Variants in PTGFRN observed in about 807,000 individuals in gnomAD.
The protein encoded by PTGFRN is prostaglandin F2 receptor negative regulator.
Under a neutral mutation model 83.2 loss-of-function variants are expected in PTGFRN, and 35 were observed. The observed-to-expected ratio is 0.42, with a 90% CI of 0.32 to 0.56. The LOEUF is 0.56. Ranked by LOEUF, PTGFRN falls within the 20% of genes least tolerant of loss-of-function variation. PTGFRN has a pLI of 0.11. For synonymous variants in PTGFRN, 519 were observed against 498.6 expected, an observed-to-expected ratio of 1.04 and a Z score of -0.55; for missense variants, 1,051 against 1,179.5, an observed-to-expected ratio of 0.89 and a Z score of 1.60.
chr1:116,910,047 C>A lies in PTGFRN; in HGVS notation c.-157C>A. 1.2e-6 allele frequency: 1 copy of A among 826,168 alleles called. No homozygotes were observed. The highest frequency in any genetic ancestry group is 2.0e-6 in the Non-Finnish European group (1 of 511,026). The allele number at this position is 826,168 out of a possible 1,614,324, so 51.2% of individuals were successfully genotyped here. On this transcript the variant is annotated 5_prime_UTR_variant, in exon 1 of 9. Coordinates refer to ENST00000393203, the MANE Select transcript of PTGFRN (RefSeq NM_020440.4). ...GCGGAGCCAGGGGCGCACGTACGCC[C>A]CAGCGCTGGGATTTATCGGCTCGCG...
At chr1:116,912,613 G>T (rs1327475742) in intron 1 of PTGFRN, among the ~76,000 whole-genome samples, 2 of 151,980 alleles carry the variant, frequency 1.3e-5, no homozygotes, top group African/African-American at 4.8e-5. Flanking sequence ...CACACAGTTG[G>T]TGTCTTCCTG....
Position 116,987,081 on chromosome 1 carries a change from T to G in PTGFRN, c.*114T>G. Reference sequence around the variant, plus strand: ...CACTAAAAACCAGTCCTCTCTAATCTCAGGTGGGACTTGGCGCTCTCTCTT... The same window carrying G: ...CACTAAAAACCAGTCCTCTCTAATCGCAGGTGGGACTTGGCGCTCTCTCTT... On this transcript the variant is annotated 3_prime_UTR_variant, in exon 9 of 9. Transcript: ENST00000393203. 1 of 1,286,362 alleles carries G rather than the reference T, an allele frequency of 7.8e-7. No homozygotes were observed. The highest frequency in any genetic ancestry group is 1.1e-6 in the Non-Finnish European group (1 of 927,640). 79.7% of individuals were successfully genotyped at this position (1,286,362 alleles called of 1,614,324 possible).
rs1230810516 is a variant in PTGFRN, at chr1:116,909,975, G to A, written c.-229G>A. Reference sequence around the variant, plus strand: ...ACTCGGATCGGCGGGGCCGGCTCCCGGGCCCGGCCGGCTGGAGGAGGGAGG... The same window carrying A: ...ACTCGGATCGGCGGGGCCGGCTCCCAGGCCCGGCCGGCTGGAGGAGGGAGG... On this transcript the variant is annotated 5_prime_UTR_variant, in exon 1 of 9. Transcript: ENST00000393203. 2 of 566,648 alleles carry A rather than the reference G, an allele frequency of 3.5e-6. No homozygotes were observed. Among genetic ancestry groups the A allele is most frequent in the South Asian group, 2.0e-5 (1 of 49,606 alleles). 35.1% of individuals were successfully genotyped at this position (566,648 alleles called of 1,614,324 possible). A position where few individuals can be genotyped will look rare whatever the true frequency, so the allele number is the denominator to read the frequency against.
At chr1:116,937,755 A>G (rs1346372010) in intron 1 of PTGFRN, among the ~76,000 whole-genome samples, 2 of 152,172 alleles carry the variant, frequency 1.3e-5, no homozygotes, top group East Asian at 3.9e-4. Flanking sequence ...ACACATTAGG[A>G]AATTCCTCTG....
chr1:116,989,601 T>A lies in PTGFRN; in HGVS notation c.*2634T>A, dbSNP rs1367559299. The A allele has an allele frequency of 6.6e-6, 1 of 152,604 alleles. No homozygotes were observed. Among genetic ancestry groups the A allele is most frequent in the Non-Finnish European group, 1.5e-5 (1 of 68,042 alleles). 9.5% of individuals were successfully genotyped at this position (152,604 alleles called of 1,614,324 possible). A position where few individuals can be genotyped will look rare whatever the true frequency, so the allele number is the denominator to read the frequency against. ...CTTTATAAAAGTTTGGGATTTTTTT[T>A]CCTAATCATAAAAATAGCCCCAGAA... On this transcript the variant is annotated 3_prime_UTR_variant, in exon 9 of 9. Transcript: ENST00000393203.
chr1:116,957,150 G>A (rs929339024), intron 4 of PTGFRN, among the ~76,000 whole-genome samples: 9 of 137,506 alleles, frequency 6.5e-5, no homozygotes, highest in African/African-American at 1.4e-4. Flanking sequence ...TCGCTGGCTC[G>A]CTGTGTGTGT....
rs1280690839 is a variant in PTGFRN at position 116,975,098 on chromosome 1, G to C, written c.2167+775G>C. ...TTATATCCTGCACCTGGCTCGGAGG[G>C]TCCCATGCCCACAGAGCCTCGCTCA... On this transcript the variant is annotated intron_variant, in intron 7 of 8. Coordinates refer to ENST00000393203, the MANE Select transcript of PTGFRN (RefSeq NM_020440.4). 2.0e-5 allele frequency among the ~76,000 whole-genome samples: 3 copies of C among 152,204 alleles called. No individual in the cohort carries two copies. In the South Asian group the frequency reaches 6.2e-4, roughly 31 times the overall value.
chr1:116,942,016 C>T lies in PTGFRN; in HGVS notation c.351C>T (p.Tyr117=). 6.2e-7 allele frequency: 1 copy of T among 1,614,194 alleles called. No homozygotes were observed. Residue 117 remains tyrosine, a synonymous_variant, in exon 2 of 9, where the codon TAC becomes TAT. Transcript: ENST00000393203. The stretch of plus-strand genomic sequence containing the variant: ...TCCAGCCTTCAGACCAAGGCCACTA[C>T]AAATGTTCAACCCCCAGCACAGATG... ...KNVQPSDQGH[Y]KCSTPSTDAT... is the part of the protein sequence containing the mutation.
At position 116,910,035 on chromosome 1, in the gene PTGFRN, C is replaced by A. The variant is rs369371046; in HGVS notation, c.-169C>A. On this transcript the variant is annotated 5_prime_UTR_variant, in exon 1 of 9. Transcript: ENST00000393203. ...GGGAGGGAGCGAGCGGAGCCAGGGG[C>A]GCACGTACGCCCCAGCGCTGGGATT... 1.2e-5 allele frequency: 9 copies of A among 754,340 alleles called. No individual in the cohort carries two copies. Among genetic ancestry groups the A allele is most frequent in the Non-Finnish European group, 1.8e-5 (8 of 450,832 alleles). 46.7% of individuals were successfully genotyped at this position (754,340 alleles called of 1,614,324 possible).
At chr1:116,947,302 C>T (rs547205880) in intron 3 of PTGFRN, among the ~76,000 whole-genome samples, 2 of 152,348 alleles carry the variant, frequency 1.3e-5, no homozygotes, top group East Asian at 3.9e-4. Flanking sequence ...GGTCTGGTTG[C>T]TGCAAACTTT....
intron 1 of PTGFRN, among the ~76,000 whole-genome samples, chr1:116,924,953 G>GTC: frequency 6.6e-6 from 1 of 152,310 alleles, no homozygotes; most frequent in South Asian, 2.1e-4. Flanking sequence ...GTGGTGGCAA[G>GTC]CAGACCCGCA....
intron 1 of PTGFRN, among the ~76,000 whole-genome samples, chr1:116,929,973 G>C (rs1483848196): frequency 6.6e-6 from 1 of 152,220 alleles, no homozygotes; most frequent in Non-Finnish European, 1.5e-5. Flanking sequence ...GAGGTTGCCA[G>C]TGATTACTTA....
chr1:116,949,060 T>C lies in PTGFRN; in HGVS notation c.833-132T>C, dbSNP rs1557740010. ...ATTCATTAAATATTTCTCAAGCACT[T>C]ACAACTGTACAAAGCCTTCTAACTT... On this transcript the variant is annotated intron_variant, in intron 3 of 8. Transcript: ENST00000393203. The C allele has an allele frequency of 3.6e-6, 4 of 1,125,628 alleles. No homozygotes were observed. In the African/African-American group the frequency reaches 6.3e-5, roughly 18 times the overall value. The allele number at this position is 1,125,628 out of a possible 1,614,324, so 69.7% of individuals were successfully genotyped here. A position where few individuals can be genotyped will look rare whatever the true frequency, so the allele number is the denominator to read the frequency against.
In PTGFRN at chr1:116,967,024, G is replaced by T. The variant is rs889854936; in HGVS notation, c.1753G>T (p.Val585Phe). 6.2e-7 allele frequency: 1 copy of T among 1,614,072 alleles called. No homozygotes were observed. The highest frequency in any genetic ancestry group is 1.7e-5 in the Admixed American group (1 of 60,006). ...SKNIKSPRYS[V>F]LIMAEKPVGD... ...GAATATTAAGTCGCCACGCTACTCTGTTCTCATCATGGCTGAGAAGCCTGT... is the reference window on the plus strand; with the variant it reads ...GAATATTAAGTCGCCACGCTACTCTTTTCTCATCATGGCTGAGAAGCCTGT... Residue 585 changes from valine to phenylalanine, a missense_variant, in exon 6 of 9, where the codon GTT becomes TTT. Val to Phe is a conservative substitution (Grantham distance 50). Around this residue, in one of 3 missense-constraint regions of PTGFRN, gnomAD observed 719 missense variants for 836.6 expected, o/e 0.86. Transcript: ENST00000393203.
At chr1:116,960,671 A>G (rs954238826) in intron 4 of PTGFRN, among the ~76,000 whole-genome samples, 1 of 152,170 alleles carries the variant, frequency 6.6e-6, no homozygotes, top group African/African-American at 2.4e-5. Flanking sequence ...AAAAAGTCAG[A>G]GGAACGGTAA....
Position 116,965,427 on chromosome 1 carries a change from A to G in PTGFRN, c.1640-1484A>G, listed in dbSNP as rs866432951. Among the ~76,000 whole-genome samples, 6 of 152,198 alleles carry G rather than the reference A, an allele frequency of 3.9e-5. No homozygotes were observed. The South Asian group carries it at 6.2e-4, about 16-fold the overall frequency. On this transcript the variant is annotated intron_variant, in intron 5 of 8. Transcript: ENST00000393203. ...CTCTCAAGTAGCTGGGACTATAGGCACATGCTCTGTGCCTGGCTAATTATT... is the reference window on the plus strand; with the variant it reads ...CTCTCAAGTAGCTGGGACTATAGGCGCATGCTCTGTGCCTGGCTAATTATT...
intron 1 of PTGFRN, among the ~76,000 whole-genome samples, chr1:116,914,491 C>G (rs1649349693): frequency 6.6e-6 from 1 of 152,182 alleles, no homozygotes. Context: ...CAGCTCATGC[C>G]TGCAATCCCA....
At chr1:116,920,731 C>A (rs2250729) in intron 1 of PTGFRN, among the ~76,000 whole-genome samples, 25,567 of 152,084 alleles carry the variant, frequency 0.17, 4,469 homozygotes, top group African/African-American at 0.44. Context: ...TCAAGCAATT[C>A]TCATGCCTCG....
chr1:116,944,633 G>A, intron 2 of PTGFRN, 46 bp from the exon 3 acceptor site: 1 of 1,358,320 alleles, frequency 7.4e-7, no homozygotes, highest in East Asian at 2.9e-5. Flanking sequence ...CTTGCCGGCT[G>A]GGGTCGGTGT....
Sources: gnomAD v4.1 joint callset for allele counts (sites outside exome capture counted in the v4.1 genomes callset) on GRCh38, gnomAD v4.1.1 for gene constraint, gnomAD v4.1.1 regional missense constraint, MANE v1.5 for transcripts, NCBI Gene and HGNC (gene_info 2026-07-23, HGNC 2026-07-21) for gene names.